ALG5: variants seen among roughly 807,000 people sequenced by gnomAD.
ALG5 encodes ALG5 dolichyl-phosphate beta-glucosyltransferase.
Under a neutral mutation model 51.8 loss-of-function variants are expected in ALG5, and 26 were observed. That is an observed-to-expected ratio of 0.50 (90% CI 0.37 to 0.70). ALG5 has a LOEUF of 0.70. Ranked by LOEUF, ALG5 falls within the 30% of genes least tolerant of loss-of-function variation. ALG5 has a pLI of 0.00. For synonymous variants in ALG5, 141 were observed against 136.1 expected (o/e 1.04, Z -0.25); for missense variants, 311 against 399.3 (o/e 0.78, Z 1.88).
At chr13:36,983,161 T>A (rs1225574058) in intron 6 of ALG5, among the ~76,000 whole-genome samples, 1 of 152,198 alleles carries the variant, frequency 6.6e-6, no homozygotes, top group East Asian at 1.9e-4. Flanking sequence ...TACTGCTGAA[T>A]GACAAAATCA....
chr13:36,976,605 G>A (rs529840759), intron 6 of ALG5, among the ~76,000 whole-genome samples: 13 of 151,820 alleles, frequency 8.6e-5, no homozygotes, highest in East Asian at 7.8e-4. Context: ...TAAATTAGCC[G>A]GCTGTGGTTG....
In ALG5 at chr13:36,949,778, C is replaced by T. The variant is rs926381106; in HGVS notation, c.*164G>A. 2.0e-5 allele frequency: 9 copies of T among 444,316 alleles called. No homozygotes were observed. The highest frequency in any genetic ancestry group is 5.9e-5 in the South Asian group (1 of 16,900). 27.5% of individuals were successfully genotyped at this position (444,316 alleles called of 1,614,324 possible). A position where few individuals can be genotyped will look rare whatever the true frequency, so the allele number is the denominator to read the frequency against. ...ACATCTTTTAAAAATCATTTATATC[C>T]AAAGAGATATATAATTTTTTACTTA... On this transcript the variant is annotated 3_prime_UTR_variant, in exon 10 of 10. Transcript: ENST00000239891.
At chr13:36,995,317 A>G in intron 2 of ALG5, 108 bp downstream of exon 2, 1 of 1,173,540 alleles carries the variant, frequency 8.5e-7, no homozygotes, top group Non-Finnish European at 1.2e-6. Flanking sequence ...TGTGCTCAAC[A>G]CAGCCCACAT....
At chr13:36,961,130 T>A (rs2058864699) in intron 8 of ALG5, among the ~76,000 whole-genome samples, 1 of 151,956 alleles carries the variant, frequency 6.6e-6, no homozygotes, top group Admixed American at 6.6e-5. Context: ...AAATAAAATA[T>A]ACAAGCAGAG....
intron 6 of ALG5, among the ~76,000 whole-genome samples, chr13:36,980,776 C>T (rs2058975840): frequency 6.6e-6 from 1 of 151,242 alleles, no homozygotes. Flanking sequence ...AGTTTGAGAC[C>T]AGCCTGGCCA....
rs1456070890 is a variant in ALG5, at chr13:36,970,409, C to T, written c.621+1568G>A. 9.3e-5 allele frequency among the ~76,000 whole-genome samples: 14 copies of T among 150,510 alleles called. No individual in the cohort carries two copies. In the East Asian group the frequency reaches 1.8e-3, roughly 19 times the overall value. On this transcript the variant is annotated intron_variant, in intron 7 of 9. Transcript: ENST00000239891. ...AGGGCAGATGATGAGGTCAGGAGTT[C>T]GAGACCAAATGGTGAAACTGCCTCT... is the stretch of plus-strand genomic sequence containing the variant.
At chr13:36,976,694 G>C (rs1024239296) in intron 6 of ALG5, among the ~76,000 whole-genome samples, 1 of 151,790 alleles carries the variant, frequency 6.6e-6, no homozygotes, top group Non-Finnish European at 1.5e-5. Flanking sequence ...GTTGCGGTGA[G>C]CCGAGATCGC....
chr13:36,997,533 T>A (rs1288503802), intron 1 of ALG5, among the ~76,000 whole-genome samples: 2 of 149,794 alleles, frequency 1.3e-5, no homozygotes, highest in African/African-American at 4.9e-5. Flanking sequence ...GTCAACTGAT[T>A]AAGAGACTCA....
In ALG5 at chr13:36,992,210, ATATTTCCAG is replaced by A. The variant is rs140956879; in HGVS notation, c.354+1385_354+1393del. 6.3e-3 allele frequency among the ~76,000 whole-genome samples: 965 copies of A among 152,324 alleles called. 9 individuals are homozygous for A. The highest frequency in any genetic ancestry group is 0.022 in the African/African-American group (901 of 41,576). On this transcript the variant is annotated intron_variant, in intron 4 of 9. Transcript: ENST00000239891. The stretch of plus-strand genomic sequence containing the variant: ...ACATAGTGCTCTAATTATTTGATGC[ATATTTCCAG>A]TATTATTAATAGATGTGAACTCCTT...
chr13:36,992,445 T>C (rs946371720), intron 4 of ALG5, among the ~76,000 whole-genome samples: 1 of 152,234 alleles, frequency 6.6e-6, no homozygotes, highest in African/African-American at 2.4e-5. Context: ...AATAAGACTT[T>C]ACTATGTTAG....
intron 8 of ALG5, among the ~76,000 whole-genome samples, chr13:36,965,234 G>A (rs929587126): frequency 1.3e-5 from 2 of 151,936 alleles, no homozygotes; most frequent in Admixed American, 6.5e-5. Context: ...CTTATCTTCC[G>A]TAGAAGGAAG....
intron 8 of ALG5, among the ~76,000 whole-genome samples, chr13:36,962,356 G>T (rs1027599114): frequency 7.2e-5 from 11 of 152,112 alleles, no homozygotes; most frequent in African/African-American, 2.7e-4. Context: ...TGTGGTGAAG[G>T]GTATACTGCT....
chr13:36,980,767 G>GT (rs2058975815), intron 6 of ALG5, among the ~76,000 whole-genome samples: 1 of 151,146 alleles, frequency 6.6e-6, no homozygotes, highest in Non-Finnish European at 1.5e-5. Flanking sequence ...GAGGCCAGGA[G>GT]TTTGAGACCA....
intron 5 of ALG5, among the ~76,000 whole-genome samples, chr13:36,987,855 T>C (rs190453940): frequency 2.7e-3 from 417 of 152,318 alleles, no homozygotes; most frequent in Non-Finnish European, 4.7e-3. Flanking sequence ...TTGCCCAATA[T>C]TGCTACACTT....
chr13:36,999,215 G>T lies in ALG5; in HGVS notation c.66+20C>A, dbSNP rs781422130. The T allele has an allele frequency of 6.4e-7, 1 of 1,556,074 alleles. No individual in the cohort carries two copies. The highest frequency in any genetic ancestry group is 1.2e-5 in the South Asian group (1 of 85,358). ...GAGCGGTAAGCCCCGGCCTGCGCGG[G>T]TTCCCATCCCTGTTCTCACCAGTAC... On this transcript the variant is annotated intron_variant, in intron 1 of 9. Transcript: ENST00000239891.
intron 6 of ALG5, among the ~76,000 whole-genome samples, chr13:36,984,420 T>C (rs2058993025): frequency 6.6e-6 from 1 of 152,184 alleles, no homozygotes; most frequent in Admixed American, 6.6e-5. Flanking sequence ...AATACCATTT[T>C]GTTGTTTTGT....
chr13:36,980,562 A>G (rs749843734), intron 6 of ALG5, among the ~76,000 whole-genome samples: 1 of 152,176 alleles, frequency 6.6e-6, no homozygotes, highest in African/African-American at 2.4e-5. Context: ...ACTAAAAAAC[A>G]AGCATATTTT....
chr13:36,999,311 G>T lies in ALG5; in HGVS notation c.-11C>A. 1.0e-5 allele frequency: 16 copies of T among 1,568,012 alleles called. No homozygotes were observed. Among genetic ancestry groups the T allele is most frequent in the Non-Finnish European group, 1.4e-5 (16 of 1,160,348 alleles). ...CAGAAGCGGAGCCATTCTCCATGCCGTGGCAGCCCGCCCAATCCCGCACCT... is the reference window on the plus strand; with the variant it reads ...CAGAAGCGGAGCCATTCTCCATGCCTTGGCAGCCCGCCCAATCCCGCACCT... On this transcript the variant is annotated 5_prime_UTR_variant, in exon 1 of 10. Transcript: ENST00000239891.
Position 36,995,528 on chromosome 13 carries a change from G to C in ALG5, c.135C>G (p.Phe45Leu). 1 of 1,603,452 alleles carries C rather than the reference G, an allele frequency of 6.2e-7. No individual in the cohort carries two copies. Among genetic ancestry groups the C allele is most frequent in the Non-Finnish European group, 8.5e-7 (1 of 1,177,724 alleles). ...PALHRHEEEK[F>L]FLNAKGQKET... ...CTTTCTGGCCTTTGGCATTTAAGAA[G>C]AATTTCTCTTCTTCATGTCGATGGA... Residue 45 changes from phenylalanine (F) to leucine (L), a missense_variant, in exon 2 of 10, where the codon TTC becomes TTG. Physicochemically the swap from Phe to Leu is conservative, Grantham distance 22. Transcript: ENST00000239891.
Sources: gnomAD v4.1 joint callset for allele counts (sites outside exome capture counted in the v4.1 genomes callset) on GRCh38, gnomAD v4.1.1 for gene constraint, MANE v1.5 for transcripts, NCBI Gene and HGNC (gene_info 2026-07-23, HGNC 2026-07-21) for gene names.